IL23R: variants seen among roughly 807,000 people sequenced by gnomAD.
The protein encoded by IL23R is interleukin-23 receptor.
In IL23R, 34 loss-of-function variants were observed where a neutral mutation model predicts 56.9. The ratio of observed to expected loss-of-function variants is 0.60; its 90% CI spans 0.45 to 0.80. IL23R has a LOEUF of 0.80. Among genes scored for constraint, IL23R ranks in the 30% least tolerant of loss-of-function variants. IL23R has a pLI of 0.00. For missense variants in IL23R, 635 were observed against 730.0 expected, an observed-to-expected ratio of 0.87 and a Z score of 1.50; for synonymous variants, 230 against 249.2, an observed-to-expected ratio of 0.92 and a Z score of 0.73.
At chr1:67,167,151 G>A (rs1194331797) in intron 1 of IL23R, among the ~76,000 whole-genome samples, 1 of 152,180 alleles carries the variant, frequency 6.6e-6, no homozygotes, top group Non-Finnish European at 1.5e-5. Context: ...CGCCCAGGCT[G>A]GAGTGCAATG....
intron 7 of IL23R, among the ~76,000 whole-genome samples, chr1:67,223,557 CT>C (rs1570882146): frequency 1.3e-5 from 2 of 152,004 alleles, no homozygotes; most frequent in Non-Finnish European, 2.9e-5. Flanking sequence ...GAAAATGTAC[CT>C]TTTTTTCTGT....
the IL23R span, among the ~76,000 whole-genome samples, chr1:67,265,509 T>C: frequency 6.6e-6 from 1 of 152,248 alleles, no homozygotes; most frequent in Non-Finnish European, 1.5e-5. Context: ...TAGCTTTACC[T>C]TATTCTTTTA....
chr1:67,219,508 T>C, intron 6 of IL23R, 66 bp from the exon 7 acceptor site: 1 of 1,481,816 alleles, frequency 6.7e-7, no homozygotes, highest in Non-Finnish European at 9.4e-7. Flanking sequence ...TCCATACATT[T>C]CTGCTAAATA....
At chr1:67,227,950 CTTTCTT>C (rs200386080) in intron 7 of IL23R, among the ~76,000 whole-genome samples, 8,686 of 62,676 alleles carry the variant, frequency 0.14, 909 homozygotes, top group East Asian at 0.21. Context: ...ATCTTTCTTT[CTTTCTT>C]TCTTTCTTTC....
chr1:67,180,568 T>C (rs1294112890), intron 3 of IL23R, among the ~76,000 whole-genome samples: 1 of 152,242 alleles, frequency 6.6e-6, no homozygotes, highest in Non-Finnish European at 1.5e-5. Flanking sequence ...CTTGACTCTT[T>C]ATCCAATTTG....
downstream of IL23R, among the ~76,000 whole-genome samples, chr1:67,263,638 C>T (rs1653272478): frequency 6.6e-6 from 1 of 152,180 alleles, no homozygotes; most frequent in African/African-American, 2.4e-5. Flanking sequence ...TGGCTAGGCA[C>T]AGTGGCTCAC....
In IL23R at chr1:67,169,614, T is replaced by C. The variant is rs746144971; in HGVS notation, c.343T>C (p.Cys115Arg). The change falls in exon 3 of 11, where the codon TGT becomes CGT. Residue 115 changes from cysteine (C) to arginine (R), a missense_variant. By Grantham distance (180) the Cys-to-Arg change is radical. Transcript: ENST00000347310. The part of the protein sequence containing the change: ...CPKHFQETLI[C>R]GKDISSGYPP... ...CAAACATTTTCAAGAGACACTGATA[T>C]GTGGAAAAGACATTTCTTCTGGATG... 2.5e-6 allele frequency: 4 copies of C among 1,614,162 alleles called. No individual in the cohort carries two copies. Among genetic ancestry groups the C allele is most frequent in the Non-Finnish European group, 3.4e-6 (4 of 1,179,996 alleles).
intron 1 of IL23R, among the ~76,000 whole-genome samples, chr1:67,144,440 C>G (rs1186459437): frequency 2.0e-5 from 3 of 152,168 alleles, no homozygotes; most frequent in Admixed American, 2.0e-4. Context: ...ATTATTAATG[C>G]TGATAACTAT....
At chr1:67,148,436 A>G (rs1354295813) in intron 1 of IL23R, among the ~76,000 whole-genome samples, 1 of 152,238 alleles carries the variant, frequency 6.6e-6, no homozygotes. Flanking sequence ...CTCAGGCGAT[A>G]GATGATTTGA....
In IL23R at chr1:67,250,286, A is replaced by T. The variant is rs539427440; in HGVS notation, c.1149-5551A>T. On this transcript the variant is annotated intron_variant, in intron 9 of 10. Coordinates refer to ENST00000347310, the MANE Select transcript of IL23R (RefSeq NM_144701.3). ...TCATGACTTATGCAGACCATCTATG[A>T]CATGCTTAGACTTTCTGACTTGTCC... 2.0e-5 allele frequency among the ~76,000 whole-genome samples: 3 copies of T among 152,320 alleles called. No individual in the cohort carries two copies. In the East Asian group the frequency reaches 5.8e-4, roughly 29 times the overall value.
In IL23R at chr1:67,169,607, A is replaced by C; in HGVS notation, c.336A>C (p.Thr112=). The change falls in exon 3 of 11, where the codon ACA becomes ACC. Residue 112 remains threonine (T), a synonymous_variant. Transcript: ENST00000347310. ...TAECPKHFQE[T]LICGKDISSG... is the part of the protein sequence containing the mutation. ...AATGTCCCAAACATTTTCAAGAGAC[A>C]CTGATATGTGGAAAAGACATTTCTT... 2 of 1,614,190 alleles carry C rather than the reference A, an allele frequency of 1.2e-6. No homozygotes were observed. The highest frequency in any genetic ancestry group is 1.7e-6 in the Non-Finnish European group (2 of 1,180,004).
chr1:67,205,929 C>CTTTCTTTCTTTCTCTTTTTT (rs1649011325), intron 5 of IL23R, among the ~76,000 whole-genome samples: 4 of 116,306 alleles, frequency 3.4e-5, no homozygotes, highest in Non-Finnish European at 7.7e-5. Context: ...CTTTCTTTTT[C>CTTTCTTTCTTTCTCTTTTTT]TTTCTTTCTT....
intron 4 of IL23R, among the ~76,000 whole-genome samples, chr1:67,192,925 C>T (rs570308220): frequency 5.6e-4 from 86 of 152,266 alleles, no homozygotes; most frequent in Admixed American, 1.4e-3. Flanking sequence ...GCCATGTCAC[C>T]CTTCTGCTCA....
chr1:67,221,295 T>G (rs1401782521), intron 7 of IL23R, among the ~76,000 whole-genome samples: 1 of 152,200 alleles, frequency 6.6e-6, no homozygotes, highest in Non-Finnish European at 1.5e-5. Context: ...CACTCCAGCC[T>G]GGGTGACAGA....
intron 2 of IL23R, 138 bp from the exon 3 acceptor site, chr1:67,169,204 A>G: frequency 1.5e-6 from 1 of 672,188 alleles, no homozygotes; most frequent in Non-Finnish European, 2.5e-6. Context: ...ATGAAAAGAT[A>G]CATCTAGTCC....
chr1:67,264,143 G>A (rs572120826), downstream of IL23R, among the ~76,000 whole-genome samples: 6 of 152,264 alleles, frequency 3.9e-5, no homozygotes, highest in Admixed American at 2.0e-4. Flanking sequence ...AGGCTCAGGG[G>A]ACCAAAACCA....
rs186710206 is a variant in IL23R, at chr1:67,216,703, A to G, written c.799-2871A>G. On this transcript the variant is annotated intron_variant, in intron 6 of 10. Transcript: ENST00000347310. ...TTTTTAAAAAAAATTTCTTTCAACC[A>G]TTTAAAAGTGAGAAAACCATTCTTA... 2.1e-3 allele frequency among the ~76,000 whole-genome samples: 317 copies of G among 152,300 alleles called. 2 individuals are homozygous for G. Among genetic ancestry groups the G allele is most frequent in the African/African-American group, 7.0e-3 (293 of 41,566 alleles).
At chr1:67,180,774 T>C (rs1647127840) in intron 3 of IL23R, among the ~76,000 whole-genome samples, 1 of 152,204 alleles carries the variant, frequency 6.6e-6, no homozygotes, top group Non-Finnish European at 1.5e-5. Context: ...TTCCTTTCCA[T>C]GTTTATTGCT....
intron 7 of IL23R, among the ~76,000 whole-genome samples, chr1:67,228,355 T>G (rs1650875480): frequency 1.1e-5 from 1 of 90,670 alleles, no homozygotes; most frequent in Admixed American, 1.5e-4. Flanking sequence ...AGCTAATTTT[T>G]TTTCTTCCTT....
Sources: gnomAD v4.1 joint callset for allele counts (sites outside exome capture counted in the v4.1 genomes callset) on GRCh38, gnomAD v4.1.1 for gene constraint, MANE v1.5 for transcripts, NCBI Gene and HGNC (gene_info 2026-07-23, HGNC 2026-07-21) for gene names.